Variants in MAD1L1 observed in about 807,000 individuals in gnomAD.
MAD1L1 encodes mitotic spindle assembly checkpoint protein MAD1.
A neutral mutation model predicts 96.9 loss-of-function variants in MAD1L1; 95 were observed. The ratio of observed to expected loss-of-function variants is 0.98; its 90% CI spans 0.83 to 1.16. The LOEUF is 1.16. Ranked by LOEUF, MAD1L1 falls within the 50% of genes most tolerant of loss-of-function variation. The pLI, the probability that MAD1L1 is intolerant of heterozygous loss-of-function variation, is 0.00. For synonymous variants in MAD1L1, 473 were observed against 396.6 expected (o/e 1.19, Z -2.29); for missense variants, 1,007 against 954.4 (o/e 1.06, Z -0.73).
intron 13 of MAD1L1, among the ~76,000 whole-genome samples, chr7:2,012,824 G>A (rs557115885): frequency 6.6e-5 from 10 of 152,298 alleles, no homozygotes; most frequent in African/African-American, 1.7e-4. Context: ...CTCCTGGGCT[G>A]GGACCTGTCA....
At chr7:2,028,090 G>A (rs1783061237) in intron 12 of MAD1L1, among the ~76,000 whole-genome samples, 1 of 152,070 alleles carries the variant, frequency 6.6e-6, no homozygotes, top group Non-Finnish European at 1.5e-5. Context: ...CCCATGATAT[G>A]TCCACCCAGA....
At chr7:1,823,222 A>T (rs10260276) in intron 18 of MAD1L1, among the ~76,000 whole-genome samples, 7,186 of 152,078 alleles carry the variant, frequency 0.047, 257 homozygotes, top group Admixed American at 0.081. Flanking sequence ...TTAAAAAAAA[A>T]TTTTTTTGAC....
intron 12 of MAD1L1, among the ~76,000 whole-genome samples, chr7:2,046,841 T>C (rs1188073445): frequency 2.6e-5 from 4 of 152,150 alleles, no homozygotes; most frequent in African/African-American, 7.2e-5. Flanking sequence ...GCCTCAGGTC[T>C]AAGGAGGAGG....
At chr7:2,198,606 A>T (rs1157266124) in intron 10 of MAD1L1, among the ~76,000 whole-genome samples, 1 of 152,204 alleles carries the variant, frequency 6.6e-6, no homozygotes, top group African/African-American at 2.4e-5. Flanking sequence ...CTGGGGGTCA[A>T]GAGCATGGAA....
At chr7:1,863,592 G>C (rs1426304713) in intron 18 of MAD1L1, among the ~76,000 whole-genome samples, 3 of 152,234 alleles carry the variant, frequency 2.0e-5, no homozygotes, top group South Asian at 2.1e-4. Context: ...CCCAGGAGGA[G>C]ACTTGGGCTT....
intron 15 of MAD1L1, among the ~76,000 whole-genome samples, chr7:1,964,862 G>A (rs1780094326): frequency 6.6e-6 from 1 of 152,334 alleles, no homozygotes; most frequent in South Asian, 2.1e-4. Context: ...CGGGAGGCCT[G>A]GGTGCCGCAG....
intron 15 of MAD1L1, among the ~76,000 whole-genome samples, chr7:1,971,562 G>A (rs1377414474): frequency 6.6e-6 from 1 of 152,178 alleles, no homozygotes; most frequent in Middle Eastern, 3.4e-3. Flanking sequence ...TTATATAAAC[G>A]GAAAAATCAT....
chr7:2,205,989 G>A (rs1258080136), intron 10 of MAD1L1, among the ~76,000 whole-genome samples: 6 of 152,038 alleles, frequency 3.9e-5, no homozygotes, highest in East Asian at 1.9e-4. Context: ...AAAATTAGCC[G>A]GGTGTGGTGG....
intron 12 of MAD1L1, among the ~76,000 whole-genome samples, chr7:2,062,134 C>T (rs1311806009): frequency 1.3e-5 from 2 of 151,548 alleles, no homozygotes; most frequent in East Asian, 1.9e-4. Context: ...CCCAGCTCCT[C>T]GGGAGGCTGA....
chr7:1,934,727 G>T (rs528638532), intron 17 of MAD1L1, among the ~76,000 whole-genome samples: 1 of 143,044 alleles, frequency 7.0e-6, no homozygotes, highest in Non-Finnish European at 1.5e-5. Flanking sequence ...AGGAACAGAC[G>T]GGCGAACCCG....
chr7:2,107,922 G>A (rs1252417258), intron 11 of MAD1L1, among the ~76,000 whole-genome samples: 2 of 152,110 alleles, frequency 1.3e-5, no homozygotes, highest in Admixed American at 6.5e-5. Flanking sequence ...GTCCCGGGCT[G>A]TGACACCATA....
intron 18 of MAD1L1, among the ~76,000 whole-genome samples, chr7:1,872,220 G>A (rs1054387603): frequency 1.3e-5 from 2 of 152,330 alleles, no homozygotes; most frequent in East Asian, 3.9e-4. Flanking sequence ...AGCCCCACGG[G>A]GTGCTGCAGG....
chr7:2,196,690 G>T (rs1792003285), intron 10 of MAD1L1, among the ~76,000 whole-genome samples: 1 of 152,260 alleles, frequency 6.6e-6, no homozygotes, highest in Admixed American at 6.5e-5. Context: ...CAAAGGAACA[G>T]GCATTCACCT....
intron 11 of MAD1L1, among the ~76,000 whole-genome samples, chr7:2,134,058 C>A (rs532091333): frequency 6.6e-6 from 1 of 152,358 alleles, no homozygotes; most frequent in South Asian, 2.1e-4. Flanking sequence ...TTGATATCCA[C>A]AAATATAACT....
intron 14 of MAD1L1, among the ~76,000 whole-genome samples, chr7:1,987,188 G>A (rs117151516): frequency 0.026 from 3,916 of 152,254 alleles, 84 homozygotes; most frequent in Non-Finnish European, 0.036. Context: ...CTCTGTGACC[G>A]CACCCTCTAC....
chr7:1,847,947 C>G (rs975973610), intron 18 of MAD1L1: 6 of 352,192 alleles, frequency 1.7e-5, no homozygotes, highest in Admixed American at 7.6e-5. Context: ...CCAGGGCTAA[C>G]AGGCCACCCA....
intron 11 of MAD1L1, among the ~76,000 whole-genome samples, chr7:2,123,692 A>G (rs1788091759): frequency 6.6e-6 from 1 of 152,182 alleles, no homozygotes. Context: ...GAGGCAATTA[A>G]GCCTGTTTCA....
chr7:2,044,359 C>T (rs916247301), intron 12 of MAD1L1, among the ~76,000 whole-genome samples: 5 of 152,292 alleles, frequency 3.3e-5, no homozygotes, highest in South Asian at 2.1e-4. Flanking sequence ...TTTGAACTCA[C>T]GCACCCAGGC....
intron 5 of MAD1L1, among the ~76,000 whole-genome samples, chr7:2,222,075 CT>C (rs570570176): frequency 0.089 from 12,659 of 141,560 alleles, 1,689 homozygotes; most frequent in African/African-American, 0.3. Context: ...AAGTGCTTAA[CT>C]TTTTTTTTTT....
Sources: gnomAD v4.1 joint callset for allele counts (sites outside exome capture counted in the v4.1 genomes callset) on GRCh38, gnomAD v4.1.1 for gene constraint, MANE v1.5 for transcripts, NCBI Gene and HGNC (gene_info 2026-07-23, HGNC 2026-07-21) for gene names.